KCNAB2: variants seen among roughly 807,000 people sequenced by gnomAD.
The protein encoded by KCNAB2 is potassium voltage-gated channel subfamily A regulatory beta subunit 2, also known as voltage-gated potassium channel subunit beta-2.
A neutral mutation model predicts 63.6 loss-of-function variants in KCNAB2; 29 were observed. The ratio of observed to expected loss-of-function variants is 0.46; its 90% CI spans 0.34 to 0.62. The LOEUF (loss-of-function observed/expected upper bound fraction) is 0.62, where lower values mean the gene tolerates loss of function less well. KCNAB2 is among the 20% of genes least tolerant of loss of function. The pLI is 0.01. For missense variants in KCNAB2, 359 were observed against 563.9 expected (o/e 0.64, Z 3.68); for synonymous variants, 222 against 224.2 (o/e 0.99, Z 0.09).
intron 2 of KCNAB2, among the ~76,000 whole-genome samples, chr1:6,064,092 A>G (rs1389552944): frequency 6.6e-6 from 1 of 152,208 alleles, no homozygotes; most frequent in Non-Finnish European, 1.5e-5. Context: ...ACGGTTTACC[A>G]GAGTGCAGAG....
intron 6 of KCNAB2, 134 bp downstream of exon 6, chr1:6,085,382 A>G (rs896060635): frequency 1.3e-6 from 1 of 775,390 alleles, no homozygotes; most frequent in Non-Finnish European, 2.2e-6. Context: ...GGAAGTGGAG[A>G]GGAAAATTCA....
At chr1:6,018,134 G>T (rs900704384) in intron 1 of KCNAB2, among the ~76,000 whole-genome samples, 3 of 151,928 alleles carry the variant, frequency 2.0e-5, no homozygotes, top group African/African-American at 7.3e-5. Context: ...GTGTCTCACT[G>T]TGTTGCCCAG....
At chr1:6,042,976 C>T (rs567679288), upstream of KCNAB2, among the ~76,000 whole-genome samples, 35 of 151,990 alleles carry the variant, frequency 2.3e-4, no homozygotes, top group African/African-American at 6.3e-4. Flanking sequence ...AAGACATGGC[C>T]AACTCTTAGA....
chr1:6,096,252 C>T lies in KCNAB2; in HGVS notation c.949-384C>T, dbSNP rs1557517775. On this transcript the variant is annotated intron_variant, in intron 13 of 15. Transcript: ENST00000378083. This position sits in a 1 kb window ranked among gnomAD's most constrained non-coding sequence, Gnocchi z 5.9. ...CCCTGCAATCCTCTGGGGGGGATGG[C>T]CAGGGGAGAGAGCACTCCCCTAGGG... The T allele has an allele frequency of 4.7e-6, 2 of 423,158 alleles. No individual in the cohort carries two copies. The highest frequency in any genetic ancestry group is 9.4e-6 in the Non-Finnish European group (2 of 213,082). 26.2% of individuals were successfully genotyped at this position (423,158 alleles called of 1,614,324 possible).
At chr1:6,088,936 TA>T in intron 7 of KCNAB2, 71 bp from the exon 8 acceptor site, 1 of 1,419,634 alleles carries the variant, frequency 7.0e-7, no homozygotes, top group East Asian at 2.5e-5. Flanking sequence ...CATTGCATCG[TA>T]AACGTTTTTT....
chr1:6,091,291 G>A lies in KCNAB2; in HGVS notation c.630G>A (p.Arg210=). ...EGDPFSSSKS[R]TFIIEETVRA... ...ACCCATTTAGTTCCTCCAAGTCAAG[G>A]ACATTCATCATAGAAGGTACACAGT... is the stretch of plus-strand genomic sequence containing the variant. The change falls in exon 10 of 16, where the codon AGG becomes AGA. Residue 210 remains arginine, a synonymous_variant. Coordinates refer to ENST00000378083, the MANE Select transcript of KCNAB2 (RefSeq NM_001199862.2). The A allele has an allele frequency of 1.3e-6, 2 of 1,533,796 alleles. No homozygotes were observed. Among genetic ancestry groups the A allele is most frequent in the Non-Finnish European group, 1.7e-6 (2 of 1,144,902 alleles).
intron 5 of KCNAB2, among the ~76,000 whole-genome samples, chr1:6,083,536 C>A (rs149148729): frequency 8.5e-4 from 130 of 152,336 alleles, no homozygotes; most frequent in African/African-American, 3.1e-3. Flanking sequence ...TGCCAGAAGA[C>A]CGGGGAGTCA....
At chr1:6,081,717 T>C (rs55995661) in intron 4 of KCNAB2, among the ~76,000 whole-genome samples, 18,488 of 152,194 alleles carry the variant, frequency 0.12, 1,431 homozygotes, top group African/African-American at 0.21. Flanking sequence ...TGGACTTCTG[T>C]GTCTGCATTT....
intron 2 of KCNAB2, among the ~76,000 whole-genome samples, chr1:6,068,048 G>T (rs895880291): frequency 6.6e-6 from 1 of 152,166 alleles, no homozygotes; most frequent in African/African-American, 2.4e-5. Flanking sequence ...ATAAAGCTAG[G>T]AGTAAACCGA....
At chr1:5,997,442 C>T (rs1004385951) in intron 1 of KCNAB2, among the ~76,000 whole-genome samples, 7 of 152,126 alleles carry the variant, frequency 4.6e-5, no homozygotes, top group Non-Finnish European at 1.0e-4. Context: ...CCTTGGGCCT[C>T]GTGGAGGGCC....
intron 2 of KCNAB2, among the ~76,000 whole-genome samples, chr1:6,067,598 G>A (rs759464511): frequency 1.6e-4 from 25 of 152,152 alleles, no homozygotes; most frequent in Non-Finnish European, 3.2e-4. Context: ...CCTTCCCTGC[G>A]TCCTGGGAGG....
chr1:6,084,061 G>A (rs1170836885), intron 5 of KCNAB2, among the ~76,000 whole-genome samples: 1 of 152,232 alleles, frequency 6.6e-6, no homozygotes, highest in Non-Finnish European at 1.5e-5. Context: ...TAAATGAGGA[G>A]CATTCAGAGC....
intron 4 of KCNAB2, among the ~76,000 whole-genome samples, chr1:6,079,204 C>G (rs77901621): frequency 5.3e-5 from 8 of 152,166 alleles, no homozygotes; most frequent in Admixed American, 2.0e-4. Flanking sequence ...GCCCCTCCCC[C>G]ACCCACTCTC....
intron 7 of KCNAB2, among the ~76,000 whole-genome samples, chr1:6,088,794 C>G (rs1189559700): frequency 6.6e-6 from 1 of 151,624 alleles, no homozygotes; most frequent in Admixed American, 6.6e-5. Context: ...GCTGCTGCCC[C>G]CCTCCCCTCT....
intron 1 of KCNAB2, among the ~76,000 whole-genome samples, chr1:6,008,063 C>G (rs1014602830): frequency 1.3e-5 from 2 of 152,180 alleles, no homozygotes; most frequent in Non-Finnish European, 2.9e-5. Context: ...AGGAGCACTA[C>G]TTCATCAGGC....
Position 6,073,944 on chromosome 1 carries a change from C to T in KCNAB2, c.300+174C>T, listed in dbSNP as rs1663445537. 3 of 644,688 alleles carry T rather than the reference C, an allele frequency of 4.7e-6. No homozygotes were observed. The highest frequency in any genetic ancestry group is 5.1e-5 in the Admixed American group (2 of 38,928). 39.9% of individuals were successfully genotyped at this position (644,688 alleles called of 1,614,324 possible). A position where few individuals can be genotyped will look rare whatever the true frequency, so the allele number is the denominator to read the frequency against. On this transcript the variant is annotated intron_variant, in intron 4 of 15. Coordinates refer to ENST00000378083, the MANE Select transcript of KCNAB2 (RefSeq NM_001199862.2). This position sits in a 1 kb window ranked among gnomAD's most constrained non-coding sequence, Gnocchi z 5.7. ...CCCCAGGGGAGAGTAGAAAGGTGAG[C>T]CAGGTGGCCATGGCCAGAGGGGATG...
rs1659134221 is a variant in KCNAB2 at position 6,025,917 on chromosome 1, CCG to C, written c.-52-14599_-52-14598del. On this transcript the variant is annotated intron_variant, in intron 1 of 16. Coordinates refer to the KCNAB2 transcript ENST00000341524. Reference sequence around the variant, plus strand: ...GCACACAGCCGATCCCGGCACACAGCCGATCCCGGCACACAGCCGATCCCGGC... The same window carrying C: ...GCACACAGCCGATCCCGGCACACAGCATCCCGGCACACAGCCGATCCCGGC... 3.3e-5 allele frequency: 5 copies of C among 151,856 alleles called. 1 individual carries two copies. The South Asian group carries it at 7.4e-4, about 23-fold the overall frequency. 9.4% of individuals were successfully genotyped at this position (151,856 alleles called of 1,614,324 possible).
At position 6,046,226 on chromosome 1, in the gene KCNAB2, G is replaced by A. The variant is rs1295353693; in HGVS notation, c.-27+43G>A. On this transcript the variant is annotated intron_variant, in intron 1 of 15. Coordinates refer to ENST00000378083, the MANE Select transcript of KCNAB2 (RefSeq NM_001199862.2). ...CCGCTACCTTCCTAGTGGAGATGCCGCTTGGGGGCACGCATCCGCGGGAAT... is the reference window on the plus strand; with the variant it reads ...CCGCTACCTTCCTAGTGGAGATGCCACTTGGGGGCACGCATCCGCGGGAAT... 10 of 980,740 alleles carry A rather than the reference G, an allele frequency of 1.0e-5. No homozygotes were observed. In the Admixed American group the frequency reaches 1.8e-4, roughly 18 times the overall value. The allele number at this position is 980,740 out of a possible 1,614,324, so 60.8% of individuals were successfully genotyped here.
chr1:6,043,834 A>G (rs1660704137), upstream of KCNAB2, among the ~76,000 whole-genome samples: 1 of 152,248 alleles, frequency 6.6e-6, no homozygotes, highest in Admixed American at 6.5e-5. Flanking sequence ...CAAGTGCTGC[A>G]TAACAAACAA....
Sources: allele counts gnomAD v4.1 joint callset (sites outside exome capture counted in the v4.1 genomes callset), GRCh38; gene constraint gnomAD v4.1.1; non-coding constraint Gnocchi (gnomAD v3.1); transcripts MANE v1.5; gene names NCBI Gene and HGNC (gene_info 2026-07-23, HGNC 2026-07-21).